The following ARHGAP21 variants were observed in gnomAD, a reference collection of about 807,000 sequenced individuals.
ARHGAP21 encodes the protein rho GTPase-activating protein 21.
A neutral mutation model predicts 164.6 loss-of-function variants in ARHGAP21; 38 were observed. The observed-to-expected ratio is 0.23, with a 90% CI of 0.18 to 0.30. The LOEUF (loss-of-function observed/expected upper bound fraction) is 0.30. Ranked by LOEUF, ARHGAP21 falls within the 10% of genes least tolerant of loss-of-function variation. ARHGAP21 has a pLI of 1.00. For synonymous variants in ARHGAP21, 766 were observed against 857.9 expected (o/e 0.89, Z 1.87); for missense variants, 1,822 against 2,370.7 (o/e 0.77, Z 4.81).
At chr10:24,649,286 T>C (rs1036205359) in intron 4 of ARHGAP21, among the ~76,000 whole-genome samples, 12 of 152,274 alleles carry the variant, frequency 7.9e-5, no homozygotes, top group Admixed American at 5.2e-4. Flanking sequence ...AATTATATCC[T>C]AAAATATTAT....
chr10:24,689,148 A>G (rs1437611415), intron 2 of ARHGAP21, among the ~76,000 whole-genome samples: 2 of 152,166 alleles, frequency 1.3e-5, no homozygotes, highest in East Asian at 3.9e-4. Flanking sequence ...GTGGCCTCAT[A>G]GCTAATTAGT....
intron 4 of ARHGAP21, among the ~76,000 whole-genome samples, chr10:24,641,220 T>A (rs544758426): frequency 9.2e-5 from 14 of 152,366 alleles, no homozygotes; most frequent in Admixed American, 7.2e-4. Flanking sequence ...TATCATATGA[T>A]AAATATATCC....
chr10:24,584,497 T>C lies in ARHGAP21; in HGVS notation c.5792A>G (p.Lys1931Arg). ...GGCATTCGCTGCAGAACTAGCATTT[T>C]TGCTCACGTTCTGGAAGCTTTCTCC... Reference protein sequence around the residue: ...INGESFQNVSKNASSAANAQP... With the variant: ...INGESFQNVSRNASSAANAQP... Residue 1931 changes from lysine to arginine, a missense_variant, in exon 26 of 26, where the codon AAA (lysine) becomes AGA (arginine). Around this residue, in one of 5 missense-constraint regions of ARHGAP21, gnomAD observed 165 missense variants for 176.6 expected, o/e 0.93. Transcript: ENST00000396432. 6.2e-7 allele frequency: 1 copy of C among 1,613,980 alleles called. No homozygotes were observed. Among genetic ancestry groups the C allele is most frequent in the Non-Finnish European group, 8.5e-7 (1 of 1,179,864 alleles).
intron 2 of ARHGAP21, among the ~76,000 whole-genome samples, chr10:24,701,071 G>A (rs1006353168): frequency 1.3e-5 from 2 of 152,134 alleles, no homozygotes; most frequent in African/African-American, 4.8e-5. Context: ...AGAAGCAGCT[G>A]CTGATTTTAA....
chr10:24,626,881 A>C (rs965491697), intron 7 of ARHGAP21, among the ~76,000 whole-genome samples: 1 of 152,246 alleles, frequency 6.6e-6, no homozygotes, highest in Non-Finnish European at 1.5e-5. Context: ...CCTAGAAAAT[A>C]TATGCTGGTT....
chr10:24,676,336 A>G (rs1841242098), intron 2 of ARHGAP21, among the ~76,000 whole-genome samples: 2 of 152,204 alleles, frequency 1.3e-5, no homozygotes, highest in Admixed American at 1.3e-4. Context: ...TTTTGTTACA[A>G]AAGTGTACTG....
chr10:24,590,210 C>A (rs1390449808), intron 24 of ARHGAP21: 11 of 1,450,812 alleles, frequency 7.6e-6, no homozygotes, highest in African/African-American at 2.8e-5. Context: ...CCATACCATG[C>A]TATTTCTCCT....
intron 4 of ARHGAP21, among the ~76,000 whole-genome samples, chr10:24,635,571 G>C (rs975279550): frequency 1.2e-4 from 18 of 151,956 alleles, no homozygotes; most frequent in African/African-American, 3.6e-4. Flanking sequence ...TTTTGAGATG[G>C]AGTCTCACTC....
chr10:24,611,657 T>C (rs561864359), intron 9 of ARHGAP21, among the ~76,000 whole-genome samples: 23 of 151,762 alleles, frequency 1.5e-4, no homozygotes, highest in East Asian at 1.9e-4. Context: ...TGAAGCGAGA[T>C]TGCGCCACTG....
chr10:24,711,955 C>T (rs1187436196), intron 2 of ARHGAP21, among the ~76,000 whole-genome samples: 2 of 152,030 alleles, frequency 1.3e-5, no homozygotes, highest in Non-Finnish European at 1.5e-5. Context: ...ACTCTGTCAC[C>T]CAGTCTGGAG....
At position 24,722,289 on chromosome 10, in the gene ARHGAP21, C is replaced by A. The variant is rs906419635; in HGVS notation, c.-380-10G>T. 4.6e-6 allele frequency: 1 copy of A among 215,870 alleles called. No homozygotes were observed. The highest frequency in any genetic ancestry group is 9.8e-5 in the East Asian group (1 of 10,188). The allele number at this position is 215,870 out of a possible 1,614,324, so 13.4% of individuals were successfully genotyped here. A position where few individuals can be genotyped will look rare whatever the true frequency, so the allele number is the denominator to read the frequency against. On this transcript the variant is annotated splice_polypyrimidine_tract_variant and intron_variant, in intron 1 of 25. Coordinates refer to ENST00000396432, the MANE Select transcript of ARHGAP21 (RefSeq NM_020824.4). ...AGCTCCTAGAGAGATCCTAGGAAAA[C>A]GAGAAGTTAAAGGTCATGAACTTTC... is the stretch of plus-strand genomic sequence containing the variant.
chr10:24,636,235 G>C (rs555834978), intron 4 of ARHGAP21, among the ~76,000 whole-genome samples: 9 of 152,342 alleles, frequency 5.9e-5, no homozygotes, highest in African/African-American at 2.2e-4. Context: ...CAGATGAGAG[G>C]ACATTTAAGC....
Position 24,584,454 on chromosome 10 carries a change from A to T in ARHGAP21, c.5835T>A (p.Ser1945=), listed in dbSNP as rs138011350. ...SAANAQPHKL[S]ETPGSKAEFH... ...ACTCTGCTTTACTGCCTGGGGTTTCAGACAGTTTATGAGGTTGGGCATTCG... is the reference window on the plus strand; with the variant it reads ...ACTCTGCTTTACTGCCTGGGGTTTCTGACAGTTTATGAGGTTGGGCATTCG... The change falls in exon 26 of 26, where the codon TCT becomes TCA. Residue 1945 remains serine (S), a synonymous_variant. Coordinates refer to ENST00000396432, the MANE Select transcript of ARHGAP21 (RefSeq NM_020824.4). 3.1e-3 allele frequency: 5,046 copies of T among 1,613,462 alleles called. 11 individuals carry two copies. Among genetic ancestry groups the T allele is most frequent in the Middle Eastern group, 0.017 (102 of 6,052 alleles).
chr10:24,693,599 C>T (rs1294527882), intron 2 of ARHGAP21, among the ~76,000 whole-genome samples: 7 of 152,068 alleles, frequency 4.6e-5, no homozygotes, highest in South Asian at 4.1e-4. Context: ...GTGATCCGCC[C>T]GCCTCAGCCT....
At chr10:24,704,658 A>G (rs776237477) in intron 2 of ARHGAP21, among the ~76,000 whole-genome samples, 2 of 151,880 alleles carry the variant, frequency 1.3e-5, no homozygotes, top group African/African-American at 2.4e-5. Context: ...TAGTAGAGAC[A>G]GGGTTTTGCC....
At chr10:24,709,496 G>C (rs1310763831) in intron 2 of ARHGAP21, among the ~76,000 whole-genome samples, 4 of 152,118 alleles carry the variant, frequency 2.6e-5, no homozygotes, top group Non-Finnish European at 5.9e-5. Flanking sequence ...CCCGCACTTT[G>C]GGAGGCTGAG....
chr10:24,603,877 C>T (rs2076915333), intron 12 of ARHGAP21, among the ~76,000 whole-genome samples: 2 of 152,050 alleles, frequency 1.3e-5, no homozygotes, highest in East Asian at 3.9e-4. Flanking sequence ...CGCCTGTAAT[C>T]TCAAGCTACT....
At chr10:24,601,639 T>G (rs1362965176) in intron 13 of ARHGAP21, among the ~76,000 whole-genome samples, 1 of 152,148 alleles carries the variant, frequency 6.6e-6, no homozygotes, top group Non-Finnish European at 1.5e-5. Flanking sequence ...AAAACTGATT[T>G]GCCACTTCCT....
chr10:24,721,883 C>G lies in ARHGAP21; in HGVS notation c.17G>C (p.Arg6Pro). 6.2e-7 allele frequency: 1 copy of G among 1,614,216 alleles called. No homozygotes were observed. Among genetic ancestry groups the G allele is most frequent in the African/African-American group, 1.3e-5 (1 of 75,070 alleles). MMATRRTGLSEGDGDK... is the reference protein window; with the variant it reads MMATRPTGLSEGDGDK... The stretch of plus-strand genomic sequence containing the variant: ...ACCATCTCCCTCAGACAGACCAGTC[C>G]GACGCGTGGCCATCATTTCATTTCA... Residue 6 changes from arginine to proline, a missense_variant, in exon 2 of 26, where the codon CGG (arginine) becomes CCG (proline). Arg to Pro is a moderately radical substitution (Grantham distance 103). This residue lies in a region of ARHGAP21 where 1,090 missense variants were observed against 1,378.9 expected (regional missense o/e 0.79). Transcript: ENST00000396432.
Sources: allele counts gnomAD v4.1 joint callset (sites outside exome capture counted in the v4.1 genomes callset), GRCh38; gene constraint gnomAD v4.1.1; regional missense constraint gnomAD v4.1.1; transcripts MANE v1.5; gene names NCBI Gene and HGNC (gene_info 2026-07-23, HGNC 2026-07-21).